The following IFT172 variants were observed in gnomAD, a reference collection of about 807,000 sequenced individuals.
IFT172 encodes the protein intraflagellar transport 172.
IFT172 carries 164 observed loss-of-function variants against 248.9 expected under a neutral mutation model. The observed-to-expected ratio is 0.66, with a 90% CI of 0.58 to 0.75. The LOEUF (loss-of-function observed/expected upper bound fraction) is 0.75, where lower values mean the gene tolerates loss of function less well. Among genes scored for constraint, IFT172 ranks in the 30% least tolerant of loss-of-function variants. The pLI is 0.00. For missense variants in IFT172, 1,950 were observed against 2,192.4 expected, an observed-to-expected ratio of 0.89 and a Z score of 2.21; for synonymous variants, 729 against 791.6, an observed-to-expected ratio of 0.92 and a Z score of 1.33.
At chr2:27,468,713 G>A (rs1344494036) in intron 16 of IFT172, among the ~76,000 whole-genome samples, 3 of 151,896 alleles carry the variant, frequency 2.0e-5, no homozygotes, top group Non-Finnish European at 2.9e-5. Context: ...GCCGGGCATG[G>A]TGGCAGGCGC....
At chr2:27,469,120 G>T (rs560383974) in intron 16 of IFT172, among the ~76,000 whole-genome samples, 1 of 152,044 alleles carries the variant, frequency 6.6e-6, no homozygotes, top group Admixed American at 6.6e-5. Context: ...AAGGCTGGGC[G>T]CAGTGGCTCA....
Position 27,445,161 on chromosome 2 carries a change from A to C in IFT172, c.5069-56T>G. Reference sequence around the variant, plus strand: ...GTTTGAGAGAGATTGAGGAGGGAAAAATGAGGAGCAGCCTGGGGGGTAGAA... The same window carrying C: ...GTTTGAGAGAGATTGAGGAGGGAAACATGAGGAGCAGCCTGGGGGGTAGAA... On this transcript the variant is annotated intron_variant, in intron 46 of 47. Transcript: ENST00000260570. This position sits in a 1 kb window ranked among gnomAD's most constrained non-coding sequence, Gnocchi z 4.4. The C allele has an allele frequency of 6.2e-7, 1 of 1,607,440 alleles. No homozygotes were observed.
At chr2:27,472,450 A>C in intron 14 of IFT172, 88 bp from the exon 15 acceptor site, 1 of 980,180 alleles carries the variant, frequency 1.0e-6, no homozygotes, top group Non-Finnish European at 1.5e-6. Context: ...TAGGATGCCT[A>C]GGAAGCTAGG....
At chr2:27,473,252 C>T (rs1667707272) in intron 14 of IFT172, among the ~76,000 whole-genome samples, 1 of 148,240 alleles carries the variant, frequency 6.7e-6, no homozygotes. Flanking sequence ...CACCTGTAGT[C>T]CCAGCTACTC....
chr2:27,465,384 C>A, intron 18 of IFT172, 27 bp downstream of exon 18: 1 of 1,581,012 alleles, frequency 6.3e-7, no homozygotes, highest in Non-Finnish European at 8.7e-7. Context: ...AGCTGCGTGG[C>A]ACCTCTGTTC....
chr2:27,449,769 A>G lies in IFT172; in HGVS notation c.4082T>C (p.Val1361Ala). The change falls in exon 37 of 48, where the codon GTC (valine) becomes GCC (alanine). Residue 1361 changes from valine to alanine, a missense_variant. By Grantham distance (64) the Val-to-Ala change is moderately conservative. This residue lies in a region of IFT172 where 620 missense variants were observed against 699.0 expected (regional missense o/e 0.89). Coordinates refer to ENST00000260570, the MANE Select transcript of IFT172 (RefSeq NM_015662.3). Reference sequence around the variant, plus strand: ...GATGAAAGCATCGATTGCTTCCTTGACAAGGTCCAGATTCAGATAGAGCTC... The same window carrying G: ...GATGAAAGCATCGATTGCTTCCTTGGCAAGGTCCAGATTCAGATAGAGCTC... ...AAELYLNLDLVKEAIDAFIEG... is the reference protein window; with the variant it reads ...AAELYLNLDLAKEAIDAFIEG... The G allele has an allele frequency of 6.2e-7, 1 of 1,613,988 alleles. No individual in the cohort carries two copies. The highest frequency in any genetic ancestry group is 1.7e-5 in the Admixed American group (1 of 59,994).
At chr2:27,446,701 T>C (rs113554101) in intron 42 of IFT172, among the ~76,000 whole-genome samples, 6 of 135,454 alleles carry the variant, frequency 4.4e-5, no homozygotes, top group Admixed American at 7.3e-5. Flanking sequence ...TTTTTTTTTT[T>C]TTTTTTTTTG....
chr2:27,461,217 G>A, intron 22 of IFT172, 52 bp downstream of exon 22: 1 of 1,612,340 alleles, frequency 6.2e-7, no homozygotes. Flanking sequence ...TCTGGGTAAG[G>A]GAAGGGTCCT....
chr2:27,476,698 C>G lies in IFT172; in HGVS notation c.1354G>C (p.Gly452Arg). ...GCCAATTTCTTATTATCTTCTGTTC[C>G]TCGCTGACACCTCTCATTAATACGA... ...SVRINERCQR[G>R]TEDNKKLAYL... is the part of the protein sequence containing the mutation. Residue 452 changes from glycine to arginine, a missense_variant, in exon 14 of 48, where the codon GGA (glycine) becomes CGA (arginine). This residue lies in a region of IFT172 where 1,166 missense variants were observed against 1,254.1 expected (regional missense o/e 0.93). Coordinates refer to ENST00000260570, the MANE Select transcript of IFT172 (RefSeq NM_015662.3). The G allele has an allele frequency of 6.2e-7, 1 of 1,612,544 alleles. No homozygotes were observed.
Position 27,445,259 on chromosome 2 carries a change from C to T in IFT172, c.5068+37G>A, listed in dbSNP as rs777683967. 1.9e-6 allele frequency: 3 copies of T among 1,594,950 alleles called. No individual in the cohort carries two copies. Among genetic ancestry groups the T allele is most frequent in the Non-Finnish European group, 2.6e-6 (3 of 1,168,610 alleles). The stretch of plus-strand genomic sequence containing the variant: ...AGTTTATTGATCCTGCTGCTTTCTA[C>T]CCACCACAGGATCTGGGGTGCTGTA... On this transcript the variant is annotated intron_variant, in intron 46 of 47. Transcript: ENST00000260570. The surrounding 1 kb of genome is among the most constrained non-coding windows in gnomAD (Gnocchi z 4.4).
rs1664865409 is a variant in IFT172, at chr2:27,444,637, AGTGT to A, written c.5161-120_5161-117del. The A allele has an allele frequency of 2.2e-5, 17 of 769,372 alleles. No homozygotes were observed. The South Asian group carries it at 2.5e-4, about 11-fold the overall frequency. The allele number at this position is 769,372 out of a possible 1,614,324, so 47.7% of individuals were successfully genotyped here. A position where few individuals can be genotyped will look rare whatever the true frequency, so the allele number is the denominator to read the frequency against. On this transcript the variant is annotated intron_variant, in intron 47 of 47. Coordinates refer to ENST00000260570, the MANE Select transcript of IFT172 (RefSeq NM_015662.3). ...TTCCTGTAATCCCACCCATCTTTCT[AGTGT>A]GTATGTGGGTTTTTTGTTTGTTTTG...
intron 23 of IFT172, 132 bp downstream of exon 23, chr2:27,460,883 C>A (rs909265573): frequency 4.3e-6 from 4 of 938,166 alleles, no homozygotes; most frequent in Non-Finnish European, 4.9e-6. Context: ...TTTTTCTTTT[C>A]CAAATCTCTC....
chr2:27,483,134 G>A (rs910959608), intron 7 of IFT172, among the ~76,000 whole-genome samples, 155 bp downstream of exon 7: 3 of 151,650 alleles, frequency 2.0e-5, no homozygotes, highest in Non-Finnish European at 4.4e-5. Context: ...TTCCTGAGTA[G>A]CTGGGACTAC....
intron 1 of IFT172, 125 bp from the exon 2 acceptor site, chr2:27,485,628 AC>A: frequency 9.0e-7 from 1 of 1,105,558 alleles, no homozygotes; most frequent in Non-Finnish European, 1.3e-6. Flanking sequence ...TATCCTCAAA[AC>A]AAAGAGATGC....
chr2:27,471,271 AG>A, intron 15 of IFT172, 176 bp from the exon 16 acceptor site: 1 of 551,754 alleles, frequency 1.8e-6, no homozygotes, highest in Non-Finnish European at 3.1e-6. Flanking sequence ...ACTCTGGTCA[AG>A]TAAGAGATGA....
Position 27,461,419 on chromosome 2 carries a change from C to T in IFT172, c.2292G>A (p.Gly764=). The T allele has an allele frequency of 2.5e-6, 4 of 1,614,168 alleles. No homozygotes were observed. Among genetic ancestry groups the T allele is most frequent in the Non-Finnish European group, 3.4e-6 (4 of 1,180,026 alleles). Residue 764 remains glycine, a synonymous_variant, in exon 22 of 48, where the codon GGG becomes GGA. Coordinates refer to ENST00000260570, the MANE Select transcript of IFT172 (RefSeq NM_015662.3). ...AGAGGCTGATGGCTGCTAGCCCATC[C>T]CCTTGGCTCTCCTGTAGTTCACCTG... ...ERAGELQESQ[G]DGLAAISLYL...
chr2:27,481,289 C>T (rs1393120170), intron 7 of IFT172, 29 bp from the exon 8 acceptor site: 2 of 1,565,146 alleles, frequency 1.3e-6, no homozygotes, highest in Non-Finnish European at 1.7e-6. Flanking sequence ...GTTTCAATCA[C>T]TCTTCGAAGA....
rs886986273 is a variant in IFT172, at chr2:27,461,803, C to T, written c.2149G>A (p.Glu717Lys). Residue 717 changes from glutamate (E) to lysine (K), a missense_variant, in exon 21 of 48, where the codon GAG becomes AAG. By Grantham distance (56) the Glu-to-Lys change is moderately conservative (BLOSUM62 1). Transcript: ENST00000260570. Reference sequence around the variant, plus strand: ...ATACACTCATCCCAACGGTGTAGCTCCTGGTACATGCCCATGGCCTCCTCC... The same window carrying T: ...ATACACTCATCCCAACGGTGTAGCTTCTGGTACATGCCCATGGCCTCCTCC... ...AVEEAMGMYQELHRWDECIAV... is the reference protein window; with the variant it reads ...AVEEAMGMYQKLHRWDECIAV... 6.2e-7 allele frequency: 1 copy of T among 1,614,064 alleles called. No homozygotes were observed. The highest frequency in any genetic ancestry group is 1.3e-5 in the African/African-American group (1 of 74,922).
chr2:27,476,819 A>T, intron 13 of IFT172, 93 bp from the exon 14 acceptor site: 2 of 621,678 alleles, frequency 3.2e-6, no homozygotes, highest in Middle Eastern at 2.8e-4. Flanking sequence ...TGAAGCTTTT[A>T]TTTATTTATT....
Sources: gnomAD v4.1 joint callset for allele counts (sites outside exome capture counted in the v4.1 genomes callset) on GRCh38, gnomAD v4.1.1 for gene constraint, gnomAD v4.1.1 regional missense constraint, Gnocchi (gnomAD v3.1) non-coding constraint, MANE v1.5 for transcripts, NCBI Gene and HGNC (gene_info 2026-07-23, HGNC 2026-07-21) for gene names.